Variants in BAHCC1 observed in about 807,000 individuals in gnomAD.
BAHCC1 encodes the protein BAH domain and coiled-coil containing 1, also known as BAH and coiled-coil domain-containing protein 1.
In BAHCC1, 43 loss-of-function variants were observed where a neutral mutation model predicts 88.2. The ratio of observed to expected loss-of-function variants is 0.49; its 90% CI spans 0.38 to 0.63. BAHCC1 has a LOEUF of 0.63. Among genes scored for constraint, BAHCC1 ranks in the 20% least tolerant of loss-of-function variants. The pLI is 0.00. For synonymous variants in BAHCC1, 1,510 were observed against 745.5 expected (o/e 2.03, Z -16.71); for missense variants, 3,023 against 1,654.8 (o/e 1.83, Z -14.34).
chr17:81,456,341 G>A lies in BAHCC1; in HGVS notation c.4614G>A (p.Ala1538=), dbSNP rs375861300. Residue 1538 remains alanine, a synonymous_variant, in exon 16 of 28, where the codon GCG becomes GCA. Transcript: ENST00000675386. ...AGAGCAGCTGTCAGGGCGGGCTGGC[G>A]CCCTCCGTGGCCCACAGGGTGGCCC... is the stretch of plus-strand genomic sequence containing the variant. ...CKKSSCQGGL[A]PSVAHRVAQL... 16 of 723,064 alleles carry A rather than the reference G, an allele frequency of 2.2e-5. No individual in the cohort carries two copies. Among genetic ancestry groups the A allele is most frequent in the Admixed American group, 9.8e-5 (5 of 50,840 alleles). The allele number at this position is 723,064 out of a possible 1,614,324, so 44.8% of individuals were successfully genotyped here.
rs2064316561 is a variant in BAHCC1 at position 81,434,983 on chromosome 17, C to T, written c.359-3387C>T. On this transcript the variant is annotated intron_variant, in intron 3 of 27. Transcript: ENST00000675386. The surrounding 1 kb of genome is among the most constrained non-coding windows in gnomAD (Gnocchi z 4.9). ...CAGGGGTGAGAAGCCACCAGGCCTC[C>T]CTTCTCCAGGTGGGCAGGAGGAAAG... 6.6e-6 allele frequency among the ~76,000 whole-genome samples: 1 copy of T among 152,028 alleles called. No individual in the cohort carries two copies. Among genetic ancestry groups the T allele is most frequent in the South Asian group, 2.1e-4 (1 of 4,826 alleles).
chr17:81,438,584 C>G (rs1369056741), intron 4 of BAHCC1, 92 bp downstream of exon 4: 11 of 697,394 alleles, frequency 1.6e-5, no homozygotes, highest in Middle Eastern at 4.6e-4. Context: ...AAAGGCCAGC[C>G]TAGGTTAGCC....
chr17:81,442,527 C>T lies in BAHCC1; in HGVS notation c.1178C>T (p.Thr393Ile), dbSNP rs2064440727. 2.7e-6 allele frequency: 2 copies of T among 732,578 alleles called. No individual in the cohort carries two copies. Among genetic ancestry groups the T allele is most frequent in the Non-Finnish European group, 5.1e-6 (2 of 393,960 alleles). The allele number at this position is 732,578 out of a possible 1,614,324, so 45.4% of individuals were successfully genotyped here. The change falls in exon 5 of 28, where the codon ACC (threonine) becomes ATC (isoleucine). Residue 393 changes from threonine to isoleucine, a missense_variant. Coordinates refer to ENST00000675386, the MANE Select transcript of BAHCC1 (RefSeq NM_001377448.1). ...APRDLKASGP[T>I]FVPSVGHLAD... ...CGGGACCTAAAGGCCAGCGGGCCCA[C>T]CTTCGTGCCTTCTGTGGGACACCTG...
In BAHCC1 at chr17:81,451,810, G is replaced by T; in HGVS notation, c.4119G>T (p.Arg1373Ser). ...CAGCCAACCCCTGCAGCGGCCCCAGGCTCACCCCCCGCATGCAGATCCTGC... is the reference window on the plus strand; with the variant it reads ...CAGCCAACCCCTGCAGCGGCCCCAGTCTCACCCCCCGCATGCAGATCCTGC... Reference protein sequence around the residue: ...PPTANPCSGPRLTPRMQILQR... With the variant: ...PPTANPCSGPSLTPRMQILQR... The change falls in exon 12 of 28, where the codon AGG (arginine) becomes AGT (serine). Residue 1373 changes from arginine to serine, a missense_variant. By Grantham distance (110) the Arg-to-Ser change is moderately radical. Transcript: ENST00000675386. 1.3e-6 allele frequency: 1 copy of T among 759,462 alleles called. No individual in the cohort carries two copies. The highest frequency in any genetic ancestry group is 2.4e-6 in the Non-Finnish European group (1 of 414,708). The allele number at this position is 759,462 out of a possible 1,614,324, so 47.0% of individuals were successfully genotyped here.
At chr17:81,416,094 G>A (rs1307853500) in intron 2 of BAHCC1, among the ~76,000 whole-genome samples, 1 of 150,866 alleles carries the variant, frequency 6.6e-6, no homozygotes, top group African/African-American at 2.5e-5. Flanking sequence ...GTGCGTGTGT[G>A]TCCATGAGGA....
Position 81,438,472 on chromosome 17 carries a change from G to T in BAHCC1, c.461G>T (p.Arg154Leu). Reference sequence around the variant, plus strand: ...AGCAACGTTCTCTATGGGCAGCACCGTTTCTATGGAACCCAAAAAGGCAAG... The same window carrying T: ...AGCAACGTTCTCTATGGGCAGCACCTTTTCTATGGAACCCAAAAAGGCAAG... ...GNSNVLYGQH[R>L]FYGTQKDNFY... The change falls in exon 4 of 28, where the codon CGT (arginine) becomes CTT (leucine). Residue 154 changes from arginine (R) to leucine (L), a missense_variant. Coordinates refer to ENST00000675386, the MANE Select transcript of BAHCC1 (RefSeq NM_001377448.1). 1.3e-6 allele frequency: 1 copy of T among 772,698 alleles called. No individual in the cohort carries two copies. Among genetic ancestry groups the T allele is most frequent in the Admixed American group, 1.7e-5 (1 of 57,768 alleles). The allele number at this position is 772,698 out of a possible 1,614,324, so 47.9% of individuals were successfully genotyped here.
rs1555649117 is a variant in BAHCC1 at position 81,418,796 on chromosome 17, C to CGTGTGTGTGTGCGCGCGCAT, written c.179-7993_179-7992insCGCGCGCATGTGTGTGTGTG. Among the ~76,000 whole-genome samples the CGTGTGTGTGTGCGCGCGCAT allele has an allele frequency of 1.5e-3, 214 of 144,916 alleles. 5 individuals are homozygous for CGTGTGTGTGTGCGCGCGCAT. Among genetic ancestry groups the CGTGTGTGTGTGCGCGCGCAT allele is most frequent in the Middle Eastern group, 3.5e-3 (1 of 282 alleles). ...GTGTACGTGTGTGTGTACGTGTGTG[C>CGTGTGTGTGTGCGCGCGCAT]GTGTGTGTGTGTACGTGTGTGTGTG... On this transcript the variant is annotated intron_variant, in intron 2 of 27. Coordinates refer to ENST00000675386, the MANE Select transcript of BAHCC1 (RefSeq NM_001377448.1).
At position 81,411,158 on chromosome 17, in the gene BAHCC1, T is replaced by A. The variant is rs1300672521; in HGVS notation, c.178+11241T>A. ...CATTCATCACGTGCCTGCAGGTGCC[T>A]GTGTCCTGTCTCTGCCCCAGGCTGA... On this transcript the variant is annotated intron_variant, in intron 2 of 27. Transcript: ENST00000675386. The surrounding 1 kb of genome is among the most constrained non-coding windows in gnomAD (Gnocchi z 6.2). 8 of 518,916 alleles carry A rather than the reference T, an allele frequency of 1.5e-5. No homozygotes were observed. Among genetic ancestry groups the A allele is most frequent in the Non-Finnish European group, 2.3e-5 (6 of 259,774 alleles). The allele number at this position is 518,916 out of a possible 1,614,324, so 32.1% of individuals were successfully genotyped here. A position where few individuals can be genotyped will look rare whatever the true frequency, so the allele number is the denominator to read the frequency against.
intron 10 of BAHCC1, 61 bp downstream of exon 10, chr17:81,445,742 C>T (rs994143500): frequency 1.7e-5 from 12 of 691,922 alleles, no homozygotes; most frequent in East Asian, 5.4e-5. Context: ...CACCCCTGCC[C>T]GGCAGGGCTG....
chr17:81,407,058 G>T (rs1428019539), intron 2 of BAHCC1: 1 of 448,254 alleles, frequency 2.2e-6, no homozygotes, highest in Non-Finnish European at 4.5e-6. Flanking sequence ...GTCTTGAGAT[G>T]CGGGGACTCT....
chr17:81,416,071 T>A (rs2064018344), intron 2 of BAHCC1, among the ~76,000 whole-genome samples: 1 of 148,930 alleles, frequency 6.7e-6, no homozygotes, highest in East Asian at 2.0e-4. Context: ...TGAGGATGGG[T>A]GTATGTGCGT....
chr17:81,438,511 C>T lies in BAHCC1; in HGVS notation c.481+19C>T, dbSNP rs112023869. On this transcript the variant is annotated intron_variant, in intron 4 of 27. Transcript: ENST00000675386. The stretch of plus-strand genomic sequence containing the variant: ...CAAAAAGGCAAGTGCAGCATGGGAC[C>T]GGCGTGGGGAGCAGGCATGCTGGAG... 3,452 of 759,300 alleles carry T rather than the reference C, an allele frequency of 4.5e-3. 90 individuals are homozygous for T. The African/African-American group carries it at 0.052, about 12-fold the overall frequency. 47.0% of individuals were successfully genotyped at this position (759,300 alleles called of 1,614,324 possible).
chr17:81,438,575 A>T, intron 4 of BAHCC1, 83 bp downstream of exon 4: 1 of 708,884 alleles, frequency 1.4e-6, no homozygotes, highest in South Asian at 1.5e-5. Flanking sequence ...GCACAAGGGA[A>T]AGGCCAGCCT....
At chr17:81,406,902 C>T (rs782377260) in intron 2 of BAHCC1, 1 of 456,322 alleles carries the variant, frequency 2.2e-6, no homozygotes, top group South Asian at 1.5e-5. Context: ...TGCAGCTGTC[C>T]ACACGATTAG....
intron 2 of BAHCC1, among the ~76,000 whole-genome samples, chr17:81,419,253 C>A (rs895116788): frequency 1.3e-5 from 2 of 152,346 alleles, no homozygotes; most frequent in Non-Finnish European, 2.9e-5. Flanking sequence ...AGAGCCTGGT[C>A]TCCCCACCCC....
At chr17:81,425,031 G>C (rs1259434690) in intron 2 of BAHCC1, among the ~76,000 whole-genome samples, 8 of 148,480 alleles carry the variant, frequency 5.4e-5, no homozygotes, top group Non-Finnish European at 9.0e-5. Flanking sequence ...GATGTGGTTG[G>C]GGGTGATAGT....
At chr17:81,459,759 T>C (rs1598514380) in intron 23 of BAHCC1, among the ~76,000 whole-genome samples, 155 bp downstream of exon 23, 1 of 128,670 alleles carries the variant, frequency 7.8e-6, no homozygotes, top group Non-Finnish European at 1.6e-5. Context: ...CCAGGCGCCA[T>C]GAAAAAGCAC....
chr17:81,401,470 AAT>A (rs1421010353), intron 2 of BAHCC1: 3 of 152,718 alleles, frequency 2.0e-5, no homozygotes, highest in African/African-American at 7.2e-5. Context: ...GTGATTTAAA[AAT>A]ATCTCTTCTG....
Position 81,399,928 on chromosome 17 carries a change from G to T in BAHCC1, c.178+11G>T. 7.4e-7 allele frequency: 1 copy of T among 1,357,286 alleles called. No homozygotes were observed. The highest frequency in any genetic ancestry group is 1.8e-5 in the South Asian group (1 of 56,662). The allele number at this position is 1,357,286 out of a possible 1,614,324, so 84.1% of individuals were successfully genotyped here. On this transcript the variant is annotated intron_variant, in intron 2 of 27. Transcript: ENST00000675386. The surrounding 1 kb of genome is among the most constrained non-coding windows in gnomAD (Gnocchi z 4.5). ...TGGCTTCGCACACAGGTCAGTGCTC[G>T]GCCGGGGCGGGCGCGGGACGGGAGC...
Sources: gnomAD v4.1 joint callset for allele counts (sites outside exome capture counted in the v4.1 genomes callset) on GRCh38, gnomAD v4.1.1 for gene constraint, Gnocchi (gnomAD v3.1) non-coding constraint, MANE v1.5 for transcripts, NCBI Gene and HGNC (gene_info 2026-07-23, HGNC 2026-07-21) for gene names.